KIRREL1: variants seen among roughly 807,000 people sequenced by gnomAD.
KIRREL1 encodes the protein kirre like nephrin family adhesion molecule 1.
Under a neutral mutation model 83.3 loss-of-function variants are expected in KIRREL1, and 25 were observed. The ratio of observed to expected loss-of-function variants is 0.30; its 90% CI spans 0.22 to 0.42. The LOEUF (loss-of-function observed/expected upper bound fraction) is 0.42. KIRREL1 is among the 10% of genes least tolerant of loss of function. KIRREL1 has a pLI of 1.00. For synonymous variants in KIRREL1, 388 were observed against 410.4 expected (o/e 0.95, Z 0.66); for missense variants, 812 against 1,032.3 (o/e 0.79, Z 2.92).
chr1:158,094,830 G>A lies in KIRREL1; in HGVS notation c.1984G>A (p.Gly662Ser), dbSNP rs1159586389. 6.2e-7 allele frequency: 1 copy of A among 1,613,916 alleles called. No homozygotes were observed. The highest frequency in any genetic ancestry group is 1.1e-5 in the South Asian group (1 of 91,064). The change falls in exon 15 of 15, where the codon GGC becomes AGC. Residue 662 changes from glycine (G) to serine (S), a missense_variant. Physicochemically the swap from Gly to Ser is moderately conservative, Grantham distance 56 (BLOSUM62 0). Around this residue, in one of 3 missense-constraint regions of KIRREL1, gnomAD observed 334 missense variants for 383.7 expected, o/e 0.87. Coordinates refer to ENST00000359209, the MANE Select transcript of KIRREL1 (RefSeq NM_018240.7). This position sits in a 1 kb window ranked among gnomAD's most constrained non-coding sequence, Gnocchi z 4.6. ...TAGCCGGGGCCCTGCCTCTGACTAT[G>A]GCCCTGAGCCCACACCCCCTGGCCC... ...TYSRGPASDYGPEPTPPGPAA... is the reference protein window; with the variant it reads ...TYSRGPASDYSPEPTPPGPAA...
Position 158,081,186 on chromosome 1 carries a change from GGGTCAGGCA to G in KIRREL1, c.352+3047_352+3055del, listed in dbSNP as rs1354348285. On this transcript the variant is annotated intron_variant, in intron 3 of 14. Coordinates refer to ENST00000359209, the MANE Select transcript of KIRREL1 (RefSeq NM_018240.7). ...AACCATGGTGATGAGCATGACTTCTGGGTCAGGCAAGCCTGGTCCACATCCTAGCTCTGC... is the reference window on the plus strand; with the variant it reads ...AACCATGGTGATGAGCATGACTTCTGAGCCTGGTCCACATCCTAGCTCTGC... Among the ~76,000 whole-genome samples, 2 of 98,168 alleles carry G rather than the reference GGGTCAGGCA, an allele frequency of 2.0e-5. 1 individual carries two copies. Among genetic ancestry groups the G allele is most frequent in the Non-Finnish European group, 5.0e-5 (2 of 40,224 alleles). 64.4% of individuals were successfully genotyped at this position (98,168 alleles called of 152,430 possible).
intron 8 of KIRREL1, 104 bp downstream of exon 8, chr1:158,088,558 C>T (rs1662093368): frequency 2.0e-6 from 2 of 1,007,382 alleles, no homozygotes; most frequent in Non-Finnish European, 1.4e-6. Context: ...GATCTCGGCT[C>T]ACTGCAAGCT....
At position 158,096,418 on chromosome 1, in the gene KIRREL1, C is replaced by T. The variant is rs1025250463; in HGVS notation, c.*1298C>T. 1.4e-5 allele frequency: 5 copies of T among 354,452 alleles called. No individual in the cohort carries two copies. The highest frequency in any genetic ancestry group is 2.8e-5 in the Non-Finnish European group (5 of 179,090). The allele number at this position is 354,452 out of a possible 1,614,324, so 22.0% of individuals were successfully genotyped here. On this transcript the variant is annotated 3_prime_UTR_variant, in exon 15 of 15. Transcript: ENST00000359209. ...CAGATTCCTTCTTCCACTTTCAGTG[C>T]CTTGAGTGTCAAGCTTTGGATGACC...
intron 8 of KIRREL1, 27 bp from the exon 9 acceptor site, chr1:158,089,475 C>G (rs932602754): frequency 1.9e-6 from 3 of 1,613,258 alleles, no homozygotes; most frequent in Non-Finnish European, 2.5e-6. Context: ...TCCTGGCTCC[C>G]CACCCGAGGC....
At position 158,069,343 on chromosome 1, in the gene KIRREL1, TGA is replaced by T. The variant is rs1491489677; in HGVS notation, c.53-6769_53-6768del. On this transcript the variant is annotated intron_variant, in intron 1 of 14. Transcript: ENST00000359209. ...GTGTGTGTGTGTGTGTGTGTGTGTG[TGA>T]ATCTAAGCATTTCCAGCCCCTCTAG... Among the ~76,000 whole-genome samples the T allele has an allele frequency of 3.2e-3, 465 of 146,660 alleles. 6 individuals are homozygous for T. The highest frequency in any genetic ancestry group is 5.0e-3 in the African/African-American group (195 of 39,308).
intron 1 of KIRREL1, among the ~76,000 whole-genome samples, chr1:158,055,392 A>AC (rs1661027389): frequency 6.6e-6 from 1 of 151,986 alleles, no homozygotes; most frequent in South Asian, 2.1e-4. Flanking sequence ...TGCAGCTCTC[A>AC]CCAAGCAGGG....
intron 1 of KIRREL1, among the ~76,000 whole-genome samples, chr1:158,022,563 A>G (rs988063720): frequency 6.6e-6 from 1 of 152,198 alleles, no homozygotes; most frequent in Non-Finnish European, 1.5e-5. Flanking sequence ...ATTTACATCT[A>G]GTGCCAAAGG....
chr1:158,033,621 CAG>C (rs760047466), intron 1 of KIRREL1, among the ~76,000 whole-genome samples: 29 of 152,336 alleles, frequency 1.9e-4, no homozygotes, highest in African/African-American at 4.1e-4. Context: ...CCTACTGCTG[CAG>C]AGAGTCCTCT....
chr1:158,035,551 G>T (rs1660453138), intron 1 of KIRREL1, among the ~76,000 whole-genome samples: 1 of 152,194 alleles, frequency 6.6e-6, no homozygotes, highest in African/African-American at 2.4e-5. Context: ...TCTACTTACT[G>T]TTGACCTATT....
intron 1 of KIRREL1, among the ~76,000 whole-genome samples, chr1:157,998,137 C>T (rs116769842): frequency 0.01 from 1,590 of 152,194 alleles, 29 homozygotes; most frequent in African/African-American, 0.037. Context: ...CCCAAAGTGC[C>T]GGGATTATAG....
At chr1:158,000,641 A>G (rs1659336208) in intron 1 of KIRREL1, among the ~76,000 whole-genome samples, 1 of 151,934 alleles carries the variant, frequency 6.6e-6, no homozygotes, top group Admixed American at 6.6e-5. Context: ...TTTCTATCCC[A>G]CTTACTCTCC....
chr1:158,079,736 G>T lies in KIRREL1; in HGVS notation c.352+1596G>T, dbSNP rs1489829445. Reference sequence around the variant, plus strand: ...GTGGTTAGGAGACCTGGGCACTTTGGCCATTTTGGCATCATGATCCTAAAG... The same window carrying T: ...GTGGTTAGGAGACCTGGGCACTTTGTCCATTTTGGCATCATGATCCTAAAG... On this transcript the variant is annotated intron_variant, in intron 3 of 14. Coordinates refer to ENST00000359209, the MANE Select transcript of KIRREL1 (RefSeq NM_018240.7). Among the ~76,000 whole-genome samples, 3 of 152,210 alleles carry T rather than the reference G, an allele frequency of 2.0e-5. No individual in the cohort carries two copies. In the East Asian group the frequency reaches 5.8e-4, roughly 29 times the overall value.
chr1:158,094,125 C>T lies in KIRREL1; in HGVS notation c.1720-188C>T, dbSNP rs570962413. On this transcript the variant is annotated intron_variant, in intron 13 of 14. Transcript: ENST00000359209. The surrounding 1 kb of genome is among the most constrained non-coding windows in gnomAD (Gnocchi z 4.6). ...ACATGTTAGCAACCAAACTAGTGCT[C>T]GAACCAAGGTCTCTGGCCTCTTCCC... is the stretch of plus-strand genomic sequence containing the variant. Among the ~76,000 whole-genome samples, 8 of 152,280 alleles carry T rather than the reference C, an allele frequency of 5.3e-5. No individual in the cohort carries two copies. Among genetic ancestry groups the T allele is most frequent in the African/African-American group, 1.7e-4 (7 of 41,558 alleles).
At chr1:158,064,933 C>CTTTTTTTTTT (rs869035914) in intron 1 of KIRREL1, among the ~76,000 whole-genome samples, 2 of 82,714 alleles carry the variant, frequency 2.4e-5, no homozygotes, top group African/African-American at 4.0e-5. Context: ...ACCTGCTGGT[C>CTTTTTTTTTT]TTTTTTTTTT....
chr1:158,040,812 A>T (rs931959139), intron 1 of KIRREL1, among the ~76,000 whole-genome samples: 2 of 152,216 alleles, frequency 1.3e-5, no homozygotes, highest in African/African-American at 4.8e-5. Context: ...TGAAGATAAG[A>T]TGGAAAAGAA....
intron 1 of KIRREL1, among the ~76,000 whole-genome samples, chr1:158,037,458 A>G (rs1660507940): frequency 7.1e-6 from 1 of 140,234 alleles, no homozygotes; most frequent in African/African-American, 2.7e-5. Flanking sequence ...GCGCCACTGC[A>G]CTCCAGCCTG....
rs1407225458 is a variant in KIRREL1 at position 158,088,523 on chromosome 1, C to T, written c.1044+69C>T. ...TTTTTGAGACGGAGTCTCGCTCTGTCGCCCAGGCTGGAGTGCAGTGGCGCG... is the reference window on the plus strand; with the variant it reads ...TTTTTGAGACGGAGTCTCGCTCTGTTGCCCAGGCTGGAGTGCAGTGGCGCG... On this transcript the variant is annotated intron_variant, in intron 8 of 14. Coordinates refer to ENST00000359209, the MANE Select transcript of KIRREL1 (RefSeq NM_018240.7). The T allele has an allele frequency of 2.6e-5, 35 of 1,358,190 alleles. 1 individual carries two copies. Among genetic ancestry groups the T allele is most frequent in the South Asian group, 7.8e-5 (5 of 64,342 alleles). 84.1% of individuals were successfully genotyped at this position (1,358,190 alleles called of 1,614,324 possible).
At chr1:158,062,761 G>A (rs1459362244) in intron 1 of KIRREL1, among the ~76,000 whole-genome samples, 1 of 152,224 alleles carries the variant, frequency 6.6e-6, no homozygotes, top group Non-Finnish European at 1.5e-5. Context: ...CTTCCTTTCT[G>A]ATTCTTCTCA....
rs560363317 is a variant in KIRREL1, at chr1:157,998,367, C to T, written c.52+4639C>T. 3.3e-5 allele frequency among the ~76,000 whole-genome samples: 5 copies of T among 152,276 alleles called. No individual in the cohort carries two copies. In the South Asian group the frequency reaches 1.0e-3, roughly 32 times the overall value. On this transcript the variant is annotated intron_variant, in intron 1 of 14. Coordinates refer to ENST00000359209, the MANE Select transcript of KIRREL1 (RefSeq NM_018240.7). ...GGAGTGAGTATTTCATAAAGGTAAA[C>T]TCATTCAAATTTAAAAAACAATCCT...
Sources: gnomAD v4.1 joint callset for allele counts (sites outside exome capture counted in the v4.1 genomes callset) on GRCh38, gnomAD v4.1.1 for gene constraint, gnomAD v4.1.1 regional missense constraint, Gnocchi (gnomAD v3.1) non-coding constraint, MANE v1.5 for transcripts, NCBI Gene and HGNC (gene_info 2026-07-23, HGNC 2026-07-21) for gene names.